The following CYP19A1 variants were observed in gnomAD, a reference collection of about 807,000 sequenced individuals.
CYP19A1 encodes cytochrome P450 family 19 subfamily A member 1.
In CYP19A1, 32 loss-of-function variants were observed where a neutral mutation model predicts 44.4. The ratio of observed to expected loss-of-function variants is 0.72; its 90% CI spans 0.54 to 0.97. CYP19A1 has a LOEUF of 0.97. Ranked by LOEUF, CYP19A1 falls within the 50% of genes least tolerant of loss-of-function variation. CYP19A1 has a pLI of 0.00. For missense variants in CYP19A1, 598 were observed against 637.8 expected (o/e 0.94, Z 0.67); for synonymous variants, 212 against 215.6 (o/e 0.98, Z 0.14).
intron 5 of CYP19A1, among the ~76,000 whole-genome samples, chr15:51,220,939 G>A (rs1406704790): frequency 6.7e-6 from 1 of 148,758 alleles, no homozygotes; most frequent in Non-Finnish European, 1.5e-5. Context: ...AATGATTAAT[G>A]TTTGTTTTTT....
At chr15:51,249,571 T>C (rs2034220567) in intron 1 of CYP19A1, among the ~76,000 whole-genome samples, 1 of 152,188 alleles carries the variant, frequency 6.6e-6, no homozygotes, top group African/African-American at 2.4e-5. Context: ...AGCAGGGTAC[T>C]ACATTCAGAC....
Position 51,227,931 on chromosome 15 carries a change from G to T in CYP19A1, c.299C>A (p.Ser100Tyr), listed in dbSNP as rs368588028. ...SGEETLIISK[S>Y]SSMFHIMKHN... Reference sequence around the variant, plus strand: ...CTTCATTATGTGGAACATACTTGAGGACCTGAAAAGACAGGAAACTTTGGT... The same window carrying T: ...CTTCATTATGTGGAACATACTTGAGTACCTGAAAAGACAGGAAACTTTGGT... Residue 100 changes from serine to tyrosine, a missense_variant and splice_region_variant, in exon 4 of 10, where the codon TCC (serine) becomes TAC (tyrosine). Physicochemically the swap from Ser to Tyr is moderately radical, Grantham distance 144. Coordinates refer to ENST00000396402, the MANE Select transcript of CYP19A1 (RefSeq NM_000103.4). The T allele has an allele frequency of 1.1e-5, 18 of 1,574,556 alleles. No homozygotes were observed. Among genetic ancestry groups the T allele is most frequent in the Non-Finnish European group, 1.5e-5 (17 of 1,143,948 alleles).
intron 1 of CYP19A1, among the ~76,000 whole-genome samples, chr15:51,291,070 C>A (rs1037647161): frequency 6.6e-6 from 1 of 152,172 alleles, no homozygotes; most frequent in Non-Finnish European, 1.5e-5. Flanking sequence ...TCCCAGCATG[C>A]CATGTGATTG....
chr15:51,303,577 C>G (rs1353878841), intron 1 of CYP19A1, among the ~76,000 whole-genome samples: 1 of 151,558 alleles, frequency 6.6e-6, no homozygotes, highest in Non-Finnish European at 1.5e-5. Context: ...GGCAGAGCTT[C>G]TGAAAGTCAG....
chr15:51,242,989 C>A (rs940734744), intron 1 of CYP19A1, 39 bp from the exon 2 acceptor site: 2 of 1,017,802 alleles, frequency 2.0e-6, no homozygotes, highest in African/African-American at 3.1e-5. Flanking sequence ...ACAGAATCCC[C>A]TAAAAGGTTC....
At position 51,329,507 on chromosome 15, in the gene CYP19A1, C is replaced by T. The variant is rs192293873; in HGVS notation, c.-39+8988G>A. ...CCCCCAAGAGGTATAATGGGAAGGC[C>T]AGCAAGGCCAGGGCCACTGATGGAG... On this transcript the variant is annotated intron_variant, in intron 1 of 9. Coordinates refer to ENST00000396402, the MANE Select transcript of CYP19A1 (RefSeq NM_000103.4). Among the ~76,000 whole-genome samples the T allele has an allele frequency of 3.2e-4, 49 of 152,276 alleles. No individual in the cohort carries two copies. In the East Asian group the frequency reaches 5.8e-3, roughly 18 times the overall value.
At chr15:51,246,244 A>G (rs1397326467) in intron 1 of CYP19A1, among the ~76,000 whole-genome samples, 2 of 152,156 alleles carry the variant, frequency 1.3e-5, no homozygotes, top group East Asian at 3.9e-4. Flanking sequence ...CCCCTCGGCC[A>G]GTAATACCCT....
At chr15:51,267,756 A>C (rs984179155) in intron 1 of CYP19A1, among the ~76,000 whole-genome samples, 1 of 152,242 alleles carries the variant, frequency 6.6e-6, no homozygotes, top group African/African-American at 2.4e-5. Flanking sequence ...CATTCATTAG[A>C]TTCCAAGCGG....
At chr15:51,267,550 C>A (rs1039982728) in intron 1 of CYP19A1, among the ~76,000 whole-genome samples, 1 of 152,148 alleles carries the variant, frequency 6.6e-6, no homozygotes, top group Admixed American at 6.5e-5. Context: ...CGTCCGTGGC[C>A]GGCCACTGCC....
intron 3 of CYP19A1, among the ~76,000 whole-genome samples, chr15:51,233,260 C>A (rs944399633): frequency 6.6e-6 from 1 of 152,152 alleles, no homozygotes; most frequent in Non-Finnish European, 1.5e-5. Context: ...TCCTGGTTTG[C>A]CCGGGACTAT....
intron 5 of CYP19A1, among the ~76,000 whole-genome samples, chr15:51,220,230 C>T (rs2031956046): frequency 6.6e-6 from 1 of 152,202 alleles, no homozygotes; most frequent in South Asian, 2.1e-4. Context: ...CTTTTCTAAC[C>T]ACCCTCTCCA....
chr15:51,250,587 T>G (rs1218466208), intron 1 of CYP19A1, among the ~76,000 whole-genome samples: 1 of 152,204 alleles, frequency 6.6e-6, no homozygotes, highest in Non-Finnish European at 1.5e-5. Flanking sequence ...ATGACTGTTT[T>G]AAAAGACTTC....
intron 1 of CYP19A1, among the ~76,000 whole-genome samples, chr15:51,327,281 G>A (rs920765040): frequency 9.2e-5 from 14 of 152,200 alleles, no homozygotes; most frequent in Admixed American, 2.6e-4. Flanking sequence ...AGAATCAAGC[G>A]CCAGGGCTAA....
intron 1 of CYP19A1, among the ~76,000 whole-genome samples, chr15:51,316,695 A>G (rs2036432081): frequency 6.6e-6 from 1 of 151,570 alleles, no homozygotes; most frequent in Non-Finnish European, 1.5e-5. Flanking sequence ...CCTGGGCAAC[A>G]TGGGGAGACC....
At chr15:51,297,292 C>G (rs2036014135) in intron 1 of CYP19A1, among the ~76,000 whole-genome samples, 1 of 152,238 alleles carries the variant, frequency 6.6e-6, no homozygotes, top group Non-Finnish European at 1.5e-5. Context: ...TCCCTCATCT[C>G]CACATGCCCC....
rs747966520 is a variant in CYP19A1 at position 51,237,002 on chromosome 15, G to A, written c.153C>T (p.Gly51=). 1 of 1,614,168 alleles carries A rather than the reference G, an allele frequency of 6.2e-7. No homozygotes were observed. The highest frequency in any genetic ancestry group is 8.5e-7 in the Non-Finnish European group (1 of 1,180,006). ...YEGTSSIPGP[G]YCMGIGPLIS... is the part of the protein sequence containing the mutation. ...TGAGGGGTCCAATTCCCATGCAGTA[G>A]CCAGGACCTAGGACAGGTGTCAGAG... The change falls in exon 3 of 10, where the codon GGC becomes GGT. Residue 51 remains glycine (G), a synonymous_variant. Coordinates refer to ENST00000396402, the MANE Select transcript of CYP19A1 (RefSeq NM_000103.4).
chr15:51,247,029 C>T (rs2034089571), intron 1 of CYP19A1, among the ~76,000 whole-genome samples: 1 of 152,160 alleles, frequency 6.6e-6, no homozygotes, highest in Admixed American at 6.6e-5. Context: ...TGTACCTCTT[C>T]CCTGTCTATG....
intron 6 of CYP19A1, among the ~76,000 whole-genome samples, chr15:51,218,244 C>G (rs2031755638): frequency 6.6e-6 from 1 of 152,066 alleles, no homozygotes. Flanking sequence ...ATCAGTCGAC[C>G]CTTCTCTTCA....
chr15:51,248,423 G>T (rs1409529410), intron 1 of CYP19A1, among the ~76,000 whole-genome samples: 1 of 152,176 alleles, frequency 6.6e-6, no homozygotes. Context: ...AGCTACCTCT[G>T]AGTGACTTTG....
Sources: allele counts gnomAD v4.1 joint callset (sites outside exome capture counted in the v4.1 genomes callset), GRCh38; gene constraint gnomAD v4.1.1; transcripts MANE v1.5; gene names NCBI Gene and HGNC (gene_info 2026-07-23, HGNC 2026-07-21).